The following SH3RF2 variants were observed in gnomAD, a reference collection of about 807,000 sequenced individuals.
SH3RF2 encodes SH3 domain containing ring finger 2, also known as E3 ubiquitin-protein ligase SH3RF2.
SH3RF2 carries 43 observed loss-of-function variants against 59.0 expected under a neutral mutation model. The ratio of observed to expected loss-of-function variants is 0.73; its 90% CI spans 0.57 to 0.94. SH3RF2 has a LOEUF of 0.94. Among genes scored for constraint, SH3RF2 ranks in the 40% least tolerant of loss-of-function variants. The pLI, the probability that SH3RF2 is intolerant of heterozygous loss-of-function variation, is 0.00. For missense variants in SH3RF2, 930 were observed against 940.1 expected, an observed-to-expected ratio of 0.99 and a Z score of 0.14; for synonymous variants, 391 against 391.5, an observed-to-expected ratio of 1.00 and a Z score of 0.01.
At chr5:145,992,470 A>C (rs1342905929) in intron 2 of SH3RF2, among the ~76,000 whole-genome samples, 1 of 152,234 alleles carries the variant, frequency 6.6e-6, no homozygotes, top group Non-Finnish European at 1.5e-5. Flanking sequence ...GGCAACTTTT[A>C]AATTTTTTGT....
intron 4 of SH3RF2, among the ~76,000 whole-genome samples, chr5:146,011,539 G>A (rs927575027): frequency 4.6e-5 from 7 of 152,048 alleles, no homozygotes; most frequent in African/African-American, 9.7e-5. Context: ...ATTTATTTGT[G>A]TCCTCTTTTA....
intron 9 of SH3RF2, among the ~76,000 whole-genome samples, chr5:146,070,201 G>A (rs181752362): frequency 1.3e-5 from 2 of 152,252 alleles, no homozygotes; most frequent in East Asian, 3.9e-4. Context: ...CTAGAACCCA[G>A]GACTCTAAGC....
intron 5 of SH3RF2, among the ~76,000 whole-genome samples, chr5:146,039,875 T>C (rs541012936): frequency 2.0e-5 from 3 of 152,212 alleles, no homozygotes; most frequent in East Asian, 3.9e-4. Context: ...GACAGAATGG[T>C]TAAATGGTGG....
intron 2 of SH3RF2, among the ~76,000 whole-genome samples, chr5:145,990,772 AAG>A (rs1469204419): frequency 1.3e-5 from 2 of 152,142 alleles, no homozygotes; most frequent in Non-Finnish European, 2.9e-5. Flanking sequence ...CACAAGGAAA[AAG>A]AGTTTGGTGA....
In SH3RF2 at chr5:145,957,877, C is replaced by T. The variant is rs556310606; in HGVS notation, c.378+19571C>T. Among the ~76,000 whole-genome samples, 40 of 152,232 alleles carry T rather than the reference C, an allele frequency of 2.6e-4. 1 individual carries two copies. In the South Asian group the frequency reaches 8.3e-3, roughly 32 times the overall value. On this transcript the variant is annotated intron_variant, in intron 2 of 9. Transcript: ENST00000359120. ...CCTGTAATCCCAATACTTTGAGAGG[C>T]CAAGGTGGGCAGATCATTTTAGGGC...
intron 9 of SH3RF2, among the ~76,000 whole-genome samples, chr5:146,077,940 G>A (rs1388029270): frequency 6.6e-6 from 1 of 152,108 alleles, no homozygotes; most frequent in Non-Finnish European, 1.5e-5. Context: ...GTAGGAGTAG[G>A]GGGCTTGGCA....
rs879599082 is a variant in SH3RF2, at chr5:145,981,514, C to T, written c.379-18544C>T. 2.6e-4 allele frequency among the ~76,000 whole-genome samples: 39 copies of T among 152,164 alleles called. 1 individual carries two copies. Among genetic ancestry groups the T allele is most frequent in the African/African-American group, 9.2e-4 (38 of 41,434 alleles). On this transcript the variant is annotated intron_variant, in intron 2 of 9. Transcript: ENST00000359120. ...GCTCTAGGTTCCCCCACACGCACAC[C>T]TCCTCTTCCTTTTTCCCATGCAGTT...
At chr5:146,068,397 C>T (rs1475678466) in intron 9 of SH3RF2, among the ~76,000 whole-genome samples, 2 of 152,170 alleles carry the variant, frequency 1.3e-5, no homozygotes, top group African/African-American at 4.8e-5. Context: ...TGGCACGGGG[C>T]AGTGCCGGGC....
At chr5:146,020,931 C>T (rs549618250) in intron 5 of SH3RF2, among the ~76,000 whole-genome samples, 1 of 152,230 alleles carries the variant, frequency 6.6e-6, no homozygotes, top group Non-Finnish European at 1.5e-5. Context: ...GGAAGATGAG[C>T]TGTCACGAGC....
At position 146,013,847 on chromosome 5, in the gene SH3RF2, C is replaced by T. The variant is rs375397305; in HGVS notation, c.845C>T (p.Thr282Met). Residue 282 changes from threonine (T) to methionine (M), a missense_variant, in exon 5 of 10, where the codon ACG becomes ATG. Thr to Met is a moderately conservative substitution (Grantham distance 81). Coordinates refer to ENST00000359120, the MANE Select transcript of SH3RF2 (RefSeq NM_152550.4). The stretch of plus-strand genomic sequence containing the variant: ...GTGTCCTCGTCCTCCAGAGGCAACA[C>T]GTCTACCCTCCGTAGGGGCCCAGGG... ...SLVSSSSRGN[T>M]STLRRGPGSR... is the part of the protein sequence containing the mutation. 121 of 1,614,064 alleles carry T rather than the reference C, an allele frequency of 7.5e-5. No homozygotes were observed. The highest frequency in any genetic ancestry group is 1.6e-4 in the Middle Eastern group (1 of 6,082).
At chr5:146,081,447 T>G (rs1241981604) in exon 10 of SH3RF2, 1 of 152,192 alleles carries the variant, frequency 6.6e-6, no homozygotes, top group Non-Finnish European at 1.5e-5. Context: ...ACTCAGTGCT[T>G]TCAGAGTCCA....
chr5:146,067,717 G>C (rs763140650), downstream of SH3RF2, among the ~76,000 whole-genome samples: 5 of 152,206 alleles, frequency 3.3e-5, no homozygotes, highest in Non-Finnish European at 5.9e-5. Context: ...CTGGTTGGTA[G>C]AATGTTGAAA....
intron 2 of SH3RF2, among the ~76,000 whole-genome samples, chr5:145,960,969 GTGATATC>G (rs1758608278): frequency 6.6e-6 from 1 of 152,190 alleles, no homozygotes; most frequent in Non-Finnish European, 1.5e-5. Context: ...CACAGGTAGT[GTGATATC>G]TGATAGCAGC....
At chr5:146,026,400 CA>C (rs1476175147) in intron 5 of SH3RF2, among the ~76,000 whole-genome samples, 3 of 152,170 alleles carry the variant, frequency 2.0e-5, no homozygotes, top group African/African-American at 7.2e-5. Flanking sequence ...TAGCCCTGGA[CA>C]AAGGGTTTTG....
At chr5:146,076,526 A>C (rs1466093600) in intron 9 of SH3RF2, among the ~76,000 whole-genome samples, 2 of 152,138 alleles carry the variant, frequency 1.3e-5, no homozygotes, top group African/African-American at 4.8e-5. Flanking sequence ...CATAACTCCA[A>C]ATCCTGTGTA....
chr5:146,068,622 A>T (rs1194256016), intron 9 of SH3RF2, among the ~76,000 whole-genome samples: 1 of 152,212 alleles, frequency 6.6e-6, no homozygotes, highest in African/African-American at 2.4e-5. Flanking sequence ...AATAAATCAT[A>T]CAAGGACATT....
At chr5:145,995,232 G>C (rs144925815) in intron 2 of SH3RF2, among the ~76,000 whole-genome samples, 1 of 152,112 alleles carries the variant, frequency 6.6e-6, no homozygotes, top group Non-Finnish European at 1.5e-5. Flanking sequence ...AGAAAACTCC[G>C]GACGGATGCT....
chr5:146,074,010 T>C (rs12374516), intron 9 of SH3RF2, among the ~76,000 whole-genome samples: 34,108 of 149,776 alleles, frequency 0.23, 4,861 homozygotes, highest in Admixed American at 0.34. Context: ...CATGAAACTC[T>C]CCATGGGGTA....
intron 2 of SH3RF2, among the ~76,000 whole-genome samples, chr5:145,985,478 G>A (rs1426188511): frequency 2.6e-5 from 4 of 152,138 alleles, no homozygotes; most frequent in Admixed American, 2.6e-4. Flanking sequence ...TCACACGACA[G>A]CCTATCAGCT....
Sources: gnomAD v4.1 joint callset for allele counts (sites outside exome capture counted in the v4.1 genomes callset) on GRCh38, gnomAD v4.1.1 for gene constraint, MANE v1.5 for transcripts, NCBI Gene and HGNC (gene_info 2026-07-23, HGNC 2026-07-21) for gene names.